ASB14: variants seen among roughly 807,000 people sequenced by gnomAD.
ASB14 encodes ankyrin repeat and SOCS box containing 14.
ASB14 carries 63 observed loss-of-function variants against 55.6 expected under a neutral mutation model. The ratio of observed to expected loss-of-function variants is 1.13; its 90% CI spans 0.92 to 1.40. ASB14 has a LOEUF of 1.40. ASB14 is among the 40% of genes most tolerant of loss of function. The pLI is 0.00. For synonymous variants in ASB14, 256 were observed against 259.9 expected (o/e 0.98, Z 0.15); for missense variants, 724 against 710.4 (o/e 1.02, Z -0.22).
At chr3:57,269,747 A>T in intron 10 of ASB14, 129 bp from the exon 11 acceptor site, 1 of 1,556,320 alleles carries the variant, frequency 6.4e-7, no homozygotes, top group Non-Finnish European at 8.8e-7. Flanking sequence ...GTGAAATGGC[A>T]GAAGGTAACA....
At chr3:57,277,654 T>G (rs904715267) in intron 9 of ASB14, 113 bp downstream of exon 9, 10 of 917,956 alleles carry the variant, frequency 1.1e-5, no homozygotes, top group Admixed American at 5.3e-5. Flanking sequence ...AGTATTTTTC[T>G]GGTTTAAGTC....
rs560709431 is a variant in ASB14, at chr3:57,289,732, G to A, written c.123-609C>T. Among the ~76,000 whole-genome samples the A allele has an allele frequency of 1.9e-4, 23 of 118,540 alleles. No homozygotes were observed. The South Asian group carries it at 6.7e-3, about 35-fold the overall frequency. 77.8% of individuals were successfully genotyped at this position (118,540 alleles called of 152,430 possible). A position where few individuals can be genotyped will look rare whatever the true frequency, so the allele number is the denominator to read the frequency against. Reference sequence around the variant, plus strand: ...TTTTGAGATGGAGTCTGTCTCTGTCGCCCAGACTGGAGTGCAGTGGTGCGA... The same window carrying A: ...TTTTGAGATGGAGTCTGTCTCTGTCACCCAGACTGGAGTGCAGTGGTGCGA... On this transcript the variant is annotated intron_variant, in intron 2 of 10. Coordinates refer to ENST00000487349, the MANE Select transcript of ASB14 (RefSeq NM_001142733.3).
chr3:57,285,191 T>C (rs1009401909), intron 5 of ASB14, among the ~76,000 whole-genome samples: 1 of 152,146 alleles, frequency 6.6e-6, no homozygotes, highest in Admixed American at 6.5e-5. Context: ...CCGGCCGGCC[T>C]CGGCCTCCCA....
chr3:57,289,395 T>C (rs968527240), intron 2 of ASB14, among the ~76,000 whole-genome samples: 1 of 152,224 alleles, frequency 6.6e-6, no homozygotes, highest in African/African-American at 2.4e-5. Context: ...TGGATTGCAG[T>C]AGGCCCTTAA....
In ASB14 at chr3:57,288,225, C is replaced by G; in HGVS notation, c.240G>C (p.Glu80Asp). 6.5e-7 allele frequency: 1 copy of G among 1,536,686 alleles called. No individual in the cohort carries two copies. Residue 80 changes from glutamate (E) to aspartate (D), a missense_variant, in exon 4 of 11, where the codon GAG becomes GAC. By Grantham distance (45) the Glu-to-Asp change is conservative. Coordinates refer to ENST00000487349, the MANE Select transcript of ASB14 (RefSeq NM_001142733.3). ...KYHSAFGEAD[E>D]IGWIPLHKAA... ...CCTTATGCAGAGGAATCCAGCCTAT[C>G]TCATCTGCTTCACCAAATGCGGAAT...
rs746686594 is a variant in ASB14 at position 57,283,394 on chromosome 3, T to C, written c.515A>G (p.Tyr172Cys). The change falls in exon 6 of 11, where the codon TAT (tyrosine) becomes TGT (cysteine). Residue 172 changes from tyrosine (Y) to cysteine (C), a missense_variant. Tyr to Cys is a radical substitution (Grantham distance 194, BLOSUM62 -2). Transcript: ENST00000487349. The stretch of plus-strand genomic sequence containing the variant: ...ACAACGCAGATTGACATCTGCTCCA[T>C]AGTTGATCAGCAAGGCAGCCATGTC... ...CYDMAALLIN[Y>C]GADVNLRCAN... The C allele has an allele frequency of 2.6e-6, 4 of 1,551,472 alleles. No individual in the cohort carries two copies. The highest frequency in any genetic ancestry group is 2.4e-5 in the East Asian group (1 of 40,924).
At chr3:57,273,852 A>G (rs1279686466) in intron 10 of ASB14, among the ~76,000 whole-genome samples, 4 of 152,156 alleles carry the variant, frequency 2.6e-5, no homozygotes, top group Admixed American at 2.6e-4. Flanking sequence ...TTCTTATGTC[A>G]ATTAGTTACT....
At chr3:57,291,827 TCACAACAC>T in intron 2 of ASB14, 77 bp downstream of exon 2, 1 of 1,224,688 alleles carries the variant, frequency 8.2e-7, no homozygotes, top group Non-Finnish European at 1.1e-6. Flanking sequence ...CCTGTTTTTG[TCACAACAC>T]TAGAGTTAAG....
intron 6 of ASB14, 115 bp downstream of exon 6, chr3:57,283,079 A>C (rs900297928): frequency 7.3e-7 from 1 of 1,366,688 alleles, no homozygotes; most frequent in Non-Finnish European, 9.8e-7. Flanking sequence ...TTTTTATCAA[A>C]CATTTATATT....
intron 2 of ASB14, among the ~76,000 whole-genome samples, chr3:57,291,558 ACTTT>A (rs1292693995): frequency 6.6e-6 from 1 of 152,098 alleles, no homozygotes; most frequent in Non-Finnish European, 1.5e-5. Context: ...AAGATAACTA[ACTTT>A]CTATGTGTCC....
chr3:57,276,494 T>C, intron 10 of ASB14, 34 bp downstream of exon 10: 2 of 1,472,142 alleles, frequency 1.4e-6, no homozygotes, highest in Non-Finnish European at 1.9e-6. Context: ...CATACATAAG[T>C]GAAATTTTAA....
At position 57,291,980 on chromosome 3, in the gene ASB14, G is replaced by A; in HGVS notation, c.54C>T (p.Leu18=). ...TATCCTGCAAACTCTGTTGAATGATGAGCTGGGTGTCAAAGTCTTCATCTA... is the reference window on the plus strand; with the variant it reads ...TATCCTGCAAACTCTGTTGAATGATAAGCTGGGTGTCAAAGTCTTCATCTA... The part of the protein sequence containing the change: ...EDIDEDFDTQ[L]IIQQSLQDIY... Residue 18 remains leucine (L), a synonymous_variant, in exon 2 of 11, where the codon CTC becomes CTT. Transcript: ENST00000487349. 2 of 1,535,534 alleles carry A rather than the reference G, an allele frequency of 1.3e-6. No homozygotes were observed. The highest frequency in any genetic ancestry group is 1.7e-4 in the Middle Eastern group (1 of 5,984).
In ASB14 at chr3:57,292,081, T is replaced by C; in HGVS notation, c.-48A>G. ...TTAAAGTCAGAGTGAATTAAAAGTA[T>C]TTTTCCAGTTGTGAAGAGATCAACT... On this transcript the variant is annotated 5_prime_UTR_variant, in exon 2 of 11. Transcript: ENST00000487349. The C allele has an allele frequency of 6.6e-7, 1 of 1,509,382 alleles. No homozygotes were observed. 93.5% of individuals were successfully genotyped at this position (1,509,382 alleles called of 1,614,324 possible).
In ASB14 at chr3:57,280,419, G is replaced by A. The variant is rs2061030825; in HGVS notation, c.770C>T (p.Ala257Val). The A allele has an allele frequency of 6.4e-7, 1 of 1,551,378 alleles. No homozygotes were observed. The highest frequency in any genetic ancestry group is 8.7e-7 in the Non-Finnish European group (1 of 1,146,746). The change falls in exon 7 of 11, where the codon GCA (alanine) becomes GTA (valine). Residue 257 changes from alanine (A) to valine (V), a missense_variant. Physicochemically the swap from Ala to Val is moderately conservative, Grantham distance 64. Transcript: ENST00000487349. Reference sequence around the variant, plus strand: ...CACAGCATCTGGATTTCCTCCACTTGCGGCTTCAAGTAAGATGGAAGAAGA... The same window carrying A: ...CACAGCATCTGGATTTCCTCCACTTACGGCTTCAAGTAAGATGGAAGAAGA... ...SDSSSILLEA[A>V]SGGNPDAVAL... is the part of the protein sequence containing the mutation.
chr3:57,272,971 A>G, intron 10 of ASB14: 1 of 152,648 alleles, frequency 6.6e-6, no homozygotes, highest in Non-Finnish European at 1.5e-5. Context: ...ATACTTAAAC[A>G]CACCAATTGT....
intron 8 of ASB14, 32 bp downstream of exon 8, chr3:57,278,345 G>A (rs528804909): frequency 3.7e-5 from 58 of 1,559,362 alleles, no homozygotes; most frequent in East Asian, 1.8e-4. Flanking sequence ...AATAATGACT[G>A]TAAGGGAATA....
Position 57,292,069 on chromosome 3 carries a change from G to T in ASB14, c.-36C>A. On this transcript the variant is annotated 5_prime_UTR_variant, in exon 2 of 11. Transcript: ENST00000487349. ...GACAGGTTTACTTTAAAGTCAGAGT[G>T]AATTAAAAGTATTTTTCCAGTTGTG... is the stretch of plus-strand genomic sequence containing the variant. The T allele has an allele frequency of 6.6e-7, 1 of 1,520,368 alleles. No homozygotes were observed. The highest frequency in any genetic ancestry group is 1.2e-5 in the South Asian group (1 of 81,724). The allele number at this position is 1,520,368 out of a possible 1,614,324, so 94.2% of individuals were successfully genotyped here. A position where few individuals can be genotyped will look rare whatever the true frequency, so the allele number is the denominator to read the frequency against.
chr3:57,278,840 G>C lies in ASB14; in HGVS notation c.968C>G (p.Ala323Gly). ...TTCCAGGCACTGAGGATGTGCTCCT[G>C]CTGCTGCACAGTGAACTGGACTGAT... ...SGISPVHCAA[A>G]GAHPQCLELL... The change falls in exon 8 of 11, where the codon GCA (alanine) becomes GGA (glycine). Residue 323 changes from alanine to glycine, a missense_variant. Physicochemically the swap from Ala to Gly is moderately conservative, Grantham distance 60. Coordinates refer to ENST00000487349, the MANE Select transcript of ASB14 (RefSeq NM_001142733.3). The C allele has an allele frequency of 6.2e-7, 1 of 1,613,658 alleles. No individual in the cohort carries two copies. Among genetic ancestry groups the C allele is most frequent in the Non-Finnish European group, 8.5e-7 (1 of 1,179,886 alleles).
chr3:57,283,088 T>C, intron 6 of ASB14, 106 bp downstream of exon 6: 1 of 1,381,328 alleles, frequency 7.2e-7, no homozygotes, highest in Middle Eastern at 1.8e-4. Context: ...AACATTTATA[T>C]TAGGCTTAAA....
Sources: allele counts gnomAD v4.1 joint callset (sites outside exome capture counted in the v4.1 genomes callset), GRCh38; gene constraint gnomAD v4.1.1; transcripts MANE v1.5; gene names NCBI Gene and HGNC (gene_info 2026-07-23, HGNC 2026-07-21).